PPARGC1A: variants seen among roughly 807,000 people sequenced by gnomAD.
The protein encoded by PPARGC1A is PPARG coactivator 1 alpha.
PPARGC1A carries 25 observed loss-of-function variants against 88.7 expected under a neutral mutation model. The observed-to-expected ratio is 0.28, with a 90% CI of 0.21 to 0.39. The LOEUF (loss-of-function observed/expected upper bound fraction) is 0.39, where lower values mean the gene tolerates loss of function less well. PPARGC1A is among the 10% of genes least tolerant of loss of function. The pLI is 1.00. For synonymous variants in PPARGC1A, 363 were observed against 355.6 expected, an observed-to-expected ratio of 1.02 and a Z score of -0.24; for missense variants, 880 against 968.7, an observed-to-expected ratio of 0.91 and a Z score of 1.22.
chr4:24,037,018 T>C, the PPARGC1A span, among the ~76,000 whole-genome samples: 1 of 152,206 alleles, frequency 6.6e-6, no homozygotes, highest in African/African-American at 2.4e-5. Flanking sequence ...AAATGTGTTA[T>C]GATGATACAA....
the PPARGC1A span, among the ~76,000 whole-genome samples, chr4:23,977,244 C>T: frequency 2.0e-5 from 3 of 152,292 alleles, no homozygotes; most frequent in East Asian, 1.9e-4. Flanking sequence ...CCGGCGCACA[C>T]GCTCAGGATT....
chr4:23,994,252 T>C, the PPARGC1A span, among the ~76,000 whole-genome samples: 1 of 152,170 alleles, frequency 6.6e-6, no homozygotes, highest in Non-Finnish European at 1.5e-5. Context: ...TAAAGGCTCC[T>C]GAGCAGACTT....
chr4:23,801,685 C>T (rs752545136), intron 12 of PPARGC1A, 45 bp downstream of exon 12: 5 of 1,603,716 alleles, frequency 3.1e-6, no homozygotes, highest in South Asian at 2.2e-5. Flanking sequence ...CCATCTTGAG[C>T]TCTACATTAT....
the PPARGC1A span, among the ~76,000 whole-genome samples, chr4:23,935,278 T>C: frequency 6.6e-6 from 1 of 152,338 alleles, no homozygotes; most frequent in East Asian, 1.9e-4. Flanking sequence ...ATAGACTTGG[T>C]CATTAATAAA....
At chr4:24,309,692 C>T in the PPARGC1A span, among the ~76,000 whole-genome samples, 2 of 152,138 alleles carry the variant, frequency 1.3e-5, no homozygotes, top group Non-Finnish European at 2.9e-5. Flanking sequence ...AGGGATCCTC[C>T]TGCCTCAGCC....
the PPARGC1A span, among the ~76,000 whole-genome samples, chr4:24,129,489 A>G: frequency 1.7e-3 from 259 of 152,322 alleles, no homozygotes; most frequent in African/African-American, 5.1e-3. Flanking sequence ...GAGAGGGTCA[A>G]AGAAAAGCAA....
At chr4:24,119,590 A>G in the PPARGC1A span, among the ~76,000 whole-genome samples, 1 of 152,198 alleles carries the variant, frequency 6.6e-6, no homozygotes, top group Non-Finnish European at 1.5e-5. Context: ...CAGTGTTACA[A>G]TAATATACTA....
chr4:24,434,397 G>A, the PPARGC1A span, among the ~76,000 whole-genome samples: 2 of 152,180 alleles, frequency 1.3e-5, no homozygotes, highest in African/African-American at 4.8e-5. Context: ...GTGCCCGGGA[G>A]AGCTGAGAGA....
the PPARGC1A span, among the ~76,000 whole-genome samples, chr4:23,974,135 A>G: frequency 6.6e-6 from 1 of 152,162 alleles, no homozygotes; most frequent in Non-Finnish European, 1.5e-5. Flanking sequence ...TAGTTGCACC[A>G]TGTCCAATAT....
intron 10 of PPARGC1A, among the ~76,000 whole-genome samples, chr4:23,804,390 A>G (rs1719366904): frequency 6.6e-6 from 1 of 152,096 alleles, no homozygotes; most frequent in Admixed American, 6.6e-5. Flanking sequence ...TATTTTCTTT[A>G]TTCCATTGTC....
At chr4:24,068,201 A>C in the PPARGC1A span, among the ~76,000 whole-genome samples, 3 of 151,710 alleles carry the variant, frequency 2.0e-5, no homozygotes, top group Admixed American at 6.6e-5. Flanking sequence ...AATGTAATCA[A>C]TGCCACGGAA....
At chr4:23,919,523 T>A in the PPARGC1A span, among the ~76,000 whole-genome samples, 1 of 149,318 alleles carries the variant, frequency 6.7e-6, no homozygotes, top group Admixed American at 6.7e-5. Context: ...ATATCTCTTT[T>A]CATCTAATAA....
the PPARGC1A span, among the ~76,000 whole-genome samples, chr4:24,007,966 T>C: frequency 6.6e-6 from 1 of 152,134 alleles, no homozygotes; most frequent in Non-Finnish European, 1.5e-5. Context: ...CGTCTCCCGC[T>C]CCTTACACAG....
chr4:24,056,390 G>T, the PPARGC1A span, among the ~76,000 whole-genome samples: 31,843 of 152,086 alleles, frequency 0.21, 3,630 homozygotes, highest in Non-Finnish European at 0.25. Flanking sequence ...TCCCATTGTT[G>T]CTTAGCTTAT....
the PPARGC1A span, among the ~76,000 whole-genome samples, chr4:24,296,132 A>C: frequency 3.3e-5 from 5 of 150,954 alleles, no homozygotes; most frequent in South Asian, 1.0e-3. Context: ...ATACACATGT[A>C]TATAGATACA....
chr4:24,088,670 A>G, the PPARGC1A span, among the ~76,000 whole-genome samples: 2 of 152,260 alleles, frequency 1.3e-5, no homozygotes, highest in Non-Finnish European at 2.9e-5. Flanking sequence ...GGTTAAAAAA[A>G]TAAACTATTA....
the PPARGC1A span, among the ~76,000 whole-genome samples, chr4:24,084,480 T>G: frequency 1.3e-5 from 2 of 152,214 alleles, no homozygotes; most frequent in South Asian, 4.1e-4. Context: ...GGAGCAGAAC[T>G]GTGCCTAAGC....
At chr4:24,328,515 C>T in the PPARGC1A span, among the ~76,000 whole-genome samples, 1 of 152,124 alleles carries the variant, frequency 6.6e-6, no homozygotes, top group Non-Finnish European at 1.5e-5. Context: ...AGGATTTTTC[C>T]AGCTCAAACT....
chr4:24,012,451 T>A, the PPARGC1A span, among the ~76,000 whole-genome samples: 6 of 152,260 alleles, frequency 3.9e-5, no homozygotes, highest in Non-Finnish European at 8.8e-5. Context: ...AACTTCTACC[T>A]GGCCTATCCT....
Sources: allele counts gnomAD v4.1 joint callset (sites outside exome capture counted in the v4.1 genomes callset), GRCh38; gene constraint gnomAD v4.1.1; transcripts MANE v1.5; gene names NCBI Gene and HGNC (gene_info 2026-07-23, HGNC 2026-07-21).